The following UST variants were observed in gnomAD, a reference collection of about 807,000 sequenced individuals.
UST encodes the protein chondroitin sulfate 2-O-sulfotransferase.
A neutral mutation model predicts 45.6 loss-of-function variants in UST; 21 were observed. That is an observed-to-expected ratio of 0.46 (90% confidence interval 0.33 to 0.66). The LOEUF is 0.66. Among genes scored for constraint, UST ranks in the 30% least tolerant of loss-of-function variants. The pLI, the probability that UST is intolerant of heterozygous loss-of-function variation, is 0.02. For missense variants in UST, 463 were observed against 512.4 expected, an observed-to-expected ratio of 0.90 and a Z score of 0.93; for synonymous variants, 215 against 200.6, an observed-to-expected ratio of 1.07 and a Z score of -0.61.
chr6:149,031,853 C>T (rs529261749), intron 7 of UST, among the ~76,000 whole-genome samples: 7 of 152,178 alleles, frequency 4.6e-5, no homozygotes, highest in Non-Finnish European at 1.0e-4. Flanking sequence ...AGGGCTGGGG[C>T]GCATAACCCT....
At chr6:149,035,766 T>TA (rs11404986) in intron 7 of UST, among the ~76,000 whole-genome samples, 93,825 of 148,004 alleles carry the variant, frequency 0.63, 29,649 homozygotes, top group African/African-American at 0.66. Context: ...ACCCCATCTT[T>TA]AAAAAAAAAA....
At chr6:148,779,588 C>T (rs1374885717) in intron 1 of UST, among the ~76,000 whole-genome samples, 3 of 152,226 alleles carry the variant, frequency 2.0e-5, no homozygotes, top group Admixed American at 6.5e-5. Flanking sequence ...GCCCGCTCCA[C>T]GGGATGTCGT....
intron 7 of UST, among the ~76,000 whole-genome samples, chr6:149,030,405 G>C (rs1249854580): frequency 3.3e-5 from 5 of 151,774 alleles, no homozygotes; most frequent in Admixed American, 2.0e-4. Context: ...ACCTTGGGAG[G>C]CCAAGGCAGG....
intron 1 of UST, among the ~76,000 whole-genome samples, chr6:148,873,337 A>G (rs1391805600): frequency 1.3e-5 from 2 of 152,008 alleles, no homozygotes; most frequent in Non-Finnish European, 1.5e-5. Context: ...CCCCCATCTC[A>G]CTTGTCCCTC....
chr6:148,868,209 T>C (rs1271602416), intron 1 of UST, among the ~76,000 whole-genome samples: 1 of 152,240 alleles, frequency 6.6e-6, no homozygotes, highest in Admixed American at 6.5e-5. Context: ...TCAATTGATG[T>C]TTTCTGCTGT....
intron 1 of UST, among the ~76,000 whole-genome samples, chr6:148,875,753 GA>G (rs1257139058): frequency 6.6e-6 from 1 of 152,210 alleles, no homozygotes; most frequent in African/African-American, 2.4e-5. Context: ...GCAGTCAGCC[GA>G]GATCGCACCA....
chr6:148,958,960 C>T (rs1172745057), intron 4 of UST: 1 of 152,264 alleles, frequency 6.6e-6, no homozygotes, highest in Non-Finnish European at 1.5e-5. Flanking sequence ...CTTCCTTTCT[C>T]TGCCATGACC....
Position 148,747,386 on chromosome 6 carries a change from C to A in UST, c.-45C>A. On this transcript the variant is annotated 5_prime_UTR_variant, in exon 1 of 8. Transcript: ENST00000367463. ...TCTCCTCCTCGCGGCGGATGGGTGA[C>A]CTTTTCCTGGCACGGGCAGGCTGTG... 7.3e-7 allele frequency: 1 copy of A among 1,371,390 alleles called. No homozygotes were observed. The allele number at this position is 1,371,390 out of a possible 1,614,324, so 85.0% of individuals were successfully genotyped here.
At chr6:148,972,635 GGC>G (rs974280711) in intron 5 of UST, among the ~76,000 whole-genome samples, 1 of 152,238 alleles carries the variant, frequency 6.6e-6, no homozygotes, top group African/African-American at 2.4e-5. Flanking sequence ...TGCATCCGCC[GGC>G]CACCTGTCAG....
At chr6:149,011,567 G>A (rs1249415895) in intron 5 of UST, among the ~76,000 whole-genome samples, 1 of 152,136 alleles carries the variant, frequency 6.6e-6, no homozygotes, top group African/African-American at 2.4e-5. Flanking sequence ...TTCTATTTTT[G>A]GGGGAGGCCA....
chr6:148,835,487 C>G (rs2114764861), intron 1 of UST, among the ~76,000 whole-genome samples: 1 of 152,278 alleles, frequency 6.6e-6, no homozygotes, highest in South Asian at 2.1e-4. Flanking sequence ...TGTCCCTGGT[C>G]CCCTGGTATT....
chr6:148,844,710 T>A (rs938727033), intron 1 of UST, among the ~76,000 whole-genome samples: 3 of 152,204 alleles, frequency 2.0e-5, no homozygotes, highest in African/African-American at 7.2e-5. Context: ...TGTGTAGGAT[T>A]GTTACATGGG....
chr6:149,043,606 A>T (rs1776358259), intron 7 of UST, among the ~76,000 whole-genome samples: 1 of 152,192 alleles, frequency 6.6e-6, no homozygotes, highest in Admixed American at 6.5e-5. Context: ...GGGAGCCTTG[A>T]TGTGGACAGG....
chr6:149,033,241 C>G (rs184411229), intron 7 of UST, among the ~76,000 whole-genome samples: 1 of 152,214 alleles, frequency 6.6e-6, no homozygotes. Flanking sequence ...GCCCTTGGCT[C>G]GTGGCCTTAG....
intron 1 of UST, among the ~76,000 whole-genome samples, chr6:148,799,333 C>G (rs1198945700): frequency 1.3e-5 from 2 of 152,196 alleles, no homozygotes; most frequent in Non-Finnish European, 2.9e-5. Context: ...AAGTTGTTAT[C>G]TCCACAGATT....
At chr6:148,997,864 T>C (rs1781481676) in intron 5 of UST, among the ~76,000 whole-genome samples, 1 of 152,238 alleles carries the variant, frequency 6.6e-6, no homozygotes, top group Admixed American at 6.5e-5. Context: ...ATCTCTTTAT[T>C]GAACTTATTA....
chr6:148,891,030 T>A (rs1053875172), intron 2 of UST, among the ~76,000 whole-genome samples: 1 of 152,208 alleles, frequency 6.6e-6, no homozygotes, highest in Non-Finnish European at 1.5e-5. Context: ...TTTCTCCAAG[T>A]GGTGAGATTT....
rs550314269 is a variant in UST at position 148,794,225 on chromosome 6, T to G, written c.247+46548T>G. ...TCAAATTGATGTTCTAGAAAACTCT[T>G]GAGTCATTACCTACATTTTTTAGGT... On this transcript the variant is annotated intron_variant, in intron 1 of 7. Transcript: ENST00000367463. Among the ~76,000 whole-genome samples, 3 of 152,362 alleles carry G rather than the reference T, an allele frequency of 2.0e-5. No homozygotes were observed. The South Asian group carries it at 6.2e-4, about 32-fold the overall frequency.
chr6:148,774,629 C>A (rs1776495762), intron 1 of UST, among the ~76,000 whole-genome samples: 6 of 152,122 alleles, frequency 3.9e-5, no homozygotes, highest in Admixed American at 3.3e-4. Context: ...GAACAAAAAT[C>A]TGTGGGGGGA....
Sources: gnomAD v4.1 joint callset for allele counts (sites outside exome capture counted in the v4.1 genomes callset) on GRCh38, gnomAD v4.1.1 for gene constraint, MANE v1.5 for transcripts, NCBI Gene and HGNC (gene_info 2026-07-23, HGNC 2026-07-21) for gene names.